TMEM40: variants seen among roughly 807,000 people sequenced by gnomAD.
TMEM40 encodes transmembrane protein 40.
A neutral mutation model predicts 40.8 loss-of-function variants in TMEM40; 34 were observed. The observed-to-expected ratio is 0.83, with a 90% confidence interval of 0.63 to 1.11. TMEM40 has a LOEUF of 1.11. Ranked by LOEUF, TMEM40 falls within the 50% of genes least tolerant of loss-of-function variation. The pLI is 0.00. For synonymous variants in TMEM40, 106 were observed against 107.0 expected, an observed-to-expected ratio of 0.99 and a Z score of 0.06; for missense variants, 296 against 280.2, an observed-to-expected ratio of 1.06 and a Z score of -0.40.
intron 1 of TMEM40, among the ~76,000 whole-genome samples, chr3:12,754,952 CTTCTTTCT>C (rs146839839): frequency 1.3e-5 from 2 of 151,518 alleles, no homozygotes; most frequent in Admixed American, 6.6e-5. Context: ...CTTTTCTTTC[CTTCTTTCT>C]TTCTTTCTCT....
chr3:12,748,710 GGAA>G lies in TMEM40; in HGVS notation c.153_155del (p.Ser70del). ...AGGATGAGGAGGAAGAGGAGGAGGA[GGAA>G]GAAGACTTGTTTCTCTCATATTGTT... On this transcript the variant is annotated inframe_deletion, in exon 3 of 12. Transcript: ENST00000314124. 6.2e-7 allele frequency: 1 copy of G among 1,613,922 alleles called. No individual in the cohort carries two copies.
At chr3:12,757,053 G>T (rs1013364305) in intron 1 of TMEM40, among the ~76,000 whole-genome samples, 1 of 152,034 alleles carries the variant, frequency 6.6e-6, no homozygotes, top group Non-Finnish European at 1.5e-5. Context: ...ATCCTTAGTT[G>T]GAAAAATGGG....
At chr3:12,746,042 T>C (rs937581600) in intron 3 of TMEM40, among the ~76,000 whole-genome samples, 1 of 151,824 alleles carries the variant, frequency 6.6e-6, no homozygotes, top group Non-Finnish European at 1.5e-5. Flanking sequence ...GGATTACAGG[T>C]GCCCACCACC....
upstream of TMEM40, among the ~76,000 whole-genome samples, chr3:12,763,883 G>A (rs1415997106): frequency 6.6e-6 from 1 of 152,090 alleles, no homozygotes; most frequent in African/African-American, 2.4e-5. Flanking sequence ...TGAGCACCCA[G>A]GAGCCTGGTT....
intron 11 of TMEM40, among the ~76,000 whole-genome samples, chr3:12,735,152 T>C (rs528510411): frequency 6.6e-5 from 10 of 152,292 alleles, no homozygotes; most frequent in African/African-American, 2.4e-4. Context: ...CATTTTCCTA[T>C]TGGTCAAGTG....
chr3:12,743,918 G>T lies in TMEM40; in HGVS notation c.283C>A (p.His95Asn), dbSNP rs1423618319. ...TTCCTACCGGGTGAGCCGTTCCCGTGGGGGTATCCAGCCCCCAGGCTCCGT... is the reference window on the plus strand; with the variant it reads ...TTCCTACCGGGTGAGCCGTTCCCGTTGGGGTATCCAGCCCCCAGGCTCCGT... ...HRRSLGAGYP[H>N]GNGSPGPGHG... Residue 95 changes from histidine (H) to asparagine (N), a missense_variant, in exon 4 of 12, where the codon CAC (histidine) becomes AAC (asparagine). His to Asn is a moderately conservative substitution (Grantham distance 68). Transcript: ENST00000314124. 1 of 1,613,380 alleles carries T rather than the reference G, an allele frequency of 6.2e-7. No individual in the cohort carries two copies. The highest frequency in any genetic ancestry group is 1.7e-5 in the Admixed American group (1 of 59,918).
intron 5 of TMEM40, among the ~76,000 whole-genome samples, chr3:12,740,189 G>A (rs193299262): frequency 6.6e-6 from 1 of 151,268 alleles, no homozygotes; most frequent in African/African-American, 2.4e-5. Flanking sequence ...TGCCTCCCGG[G>A]TTCAAGCAAT....
chr3:12,744,131 G>T, intron 3 of TMEM40, 142 bp from the exon 4 acceptor site: 1 of 716,848 alleles, frequency 1.4e-6, no homozygotes, highest in Non-Finnish European at 2.3e-6. Context: ...GGGACTGGAG[G>T]TAGGAGACCT....
At chr3:12,762,273 G>A (rs1243410233), upstream of TMEM40, among the ~76,000 whole-genome samples, 3 of 152,174 alleles carry the variant, frequency 2.0e-5, no homozygotes, top group Admixed American at 2.0e-4. Context: ...ACCTGGTCTG[G>A]ATATATTATT....
chr3:12,745,081 C>T (rs1046298854), intron 3 of TMEM40, among the ~76,000 whole-genome samples: 2 of 151,564 alleles, frequency 1.3e-5, no homozygotes, highest in African/African-American at 2.4e-5. Context: ...TTTTTTGAGA[C>T]GGAATTTTGC....
chr3:12,759,719 G>A (rs563924452), upstream of TMEM40, among the ~76,000 whole-genome samples: 5 of 152,198 alleles, frequency 3.3e-5, no homozygotes, highest in Admixed American at 1.3e-4. Flanking sequence ...GGGGGCTCAG[G>A]AGACTGGCAG....
At chr3:12,746,162 T>A (rs1177388529) in intron 3 of TMEM40, among the ~76,000 whole-genome samples, 1 of 152,144 alleles carries the variant, frequency 6.6e-6, no homozygotes, top group African/African-American at 2.4e-5. Context: ...CCTCCCAAAG[T>A]GCTGGAATTG....
At chr3:12,740,751 A>G (rs2061375775) in intron 5 of TMEM40, among the ~76,000 whole-genome samples, 2 of 151,940 alleles carry the variant, frequency 1.3e-5, no homozygotes, top group Admixed American at 1.3e-4. Flanking sequence ...CCAGCTTCTC[A>G]GGAGGCTAAG....
intron 4 of TMEM40, among the ~76,000 whole-genome samples, chr3:12,743,279 G>A (rs750821310): frequency 6.6e-6 from 1 of 152,092 alleles, no homozygotes; most frequent in Non-Finnish European, 1.5e-5. Flanking sequence ...ACAGGCCTGG[G>A]CAACATGGTA....
chr3:12,766,865 C>T (rs1371860068), intron 1 of TMEM40, among the ~76,000 whole-genome samples: 5 of 123,050 alleles, frequency 4.1e-5, no homozygotes, highest in Non-Finnish European at 7.4e-5. Context: ...GGACCCAGAT[C>T]TCCTCCTGAC....
At chr3:12,754,313 AAACAACAACAAC>A (rs60803748) in intron 1 of TMEM40, among the ~76,000 whole-genome samples, 1 of 151,852 alleles carries the variant, frequency 6.6e-6, no homozygotes, top group Non-Finnish European at 1.5e-5. Flanking sequence ...TTCCGTCTCA[AAACAACAACAAC>A]AACAACAACA....
In TMEM40 at chr3:12,742,522, A is replaced by G; in HGVS notation, c.302-15T>C. On this transcript the variant is annotated splice_polypyrimidine_tract_variant and intron_variant, in intron 4 of 11. Transcript: ENST00000314124. ...ATGCCCAGGACCTGGATGGAGACAA[A>G]CCCCTTAGTCAGCACTCCCCAAACA... is the stretch of plus-strand genomic sequence containing the variant. 6.2e-7 allele frequency: 1 copy of G among 1,612,900 alleles called. No homozygotes were observed. Among genetic ancestry groups the G allele is most frequent in the African/African-American group, 1.3e-5 (1 of 74,850 alleles).
chr3:12,769,036 C>T (rs1046609732), intron 1 of TMEM40, among the ~76,000 whole-genome samples: 72 of 152,006 alleles, frequency 4.7e-4, no homozygotes, highest in African/African-American at 1.6e-3. Flanking sequence ...TAAGGCCCTG[C>T]GAGAAATCGA....
chr3:12,752,257 C>T (rs1454487385), intron 1 of TMEM40, among the ~76,000 whole-genome samples: 1 of 152,134 alleles, frequency 6.6e-6, no homozygotes, highest in East Asian at 1.9e-4. Context: ...CAGGGTTTGT[C>T]TCCTTCACTA....
Sources: allele counts gnomAD v4.1 joint callset (sites outside exome capture counted in the v4.1 genomes callset), GRCh38; gene constraint gnomAD v4.1.1; transcripts MANE v1.5; gene names NCBI Gene and HGNC (gene_info 2026-07-23, HGNC 2026-07-21).